CNTN5: variants seen among roughly 807,000 people sequenced by gnomAD.
CNTN5 encodes contactin-5.
Under a neutral mutation model 129.1 loss-of-function variants are expected in CNTN5, and 77 were observed. That is an observed-to-expected ratio of 0.60 (90% CI 0.50 to 0.72). CNTN5 has a LOEUF of 0.72. Ranked by LOEUF, CNTN5 falls within the 30% of genes least tolerant of loss-of-function variation. The pLI is 0.00. For missense variants in CNTN5, 1,478 were observed against 1,328.8 expected (o/e 1.11, Z -1.75); for synonymous variants, 509 against 465.6 (o/e 1.09, Z -1.20).
chr11:100,047,801 A>T (rs548536497), intron 9 of CNTN5, among the ~76,000 whole-genome samples: 4 of 151,816 alleles, frequency 2.6e-5, no homozygotes, highest in African/African-American at 7.3e-5. Flanking sequence ...GTGAGAGGAC[A>T]TTATCTAATC....
intron 2 of CNTN5, among the ~76,000 whole-genome samples, chr11:99,547,590 A>T (rs1293681527): frequency 1.3e-5 from 2 of 152,232 alleles, no homozygotes; most frequent in Admixed American, 6.5e-5. Flanking sequence ...TTTATTTTCC[A>T]GCAGTTACCC....
intron 2 of CNTN5, among the ~76,000 whole-genome samples, chr11:99,526,996 A>G (rs1463872044): frequency 6.6e-6 from 1 of 152,194 alleles, no homozygotes; most frequent in Non-Finnish European, 1.5e-5. Flanking sequence ...TGGATGAAAA[A>G]CACAAAGTAC....
chr11:99,376,490 A>C (rs1940187132), intron 2 of CNTN5, among the ~76,000 whole-genome samples: 2 of 152,180 alleles, frequency 1.3e-5, no homozygotes. Flanking sequence ...ATAAAATTAT[A>C]CAGGCCAATT....
Position 99,956,986 on chromosome 11 carries a change from C to T in CNTN5, c.854C>T (p.Thr285Met), listed in dbSNP as rs777370237. The T allele has an allele frequency of 2.5e-6, 4 of 1,613,686 alleles. No homozygotes were observed. The highest frequency in any genetic ancestry group is 1.7e-5 in the Admixed American group (1 of 59,988). ...VTNARVLSPP[T>M]PLTLRNDGVM... is the part of the protein sequence containing the mutation. Reference sequence around the variant, plus strand: ...AATGCTAGAGTCCTTAGTCCTCCAACGCCACTCACTCTGCGTAATGATGGT... The same window carrying T: ...AATGCTAGAGTCCTTAGTCCTCCAATGCCACTCACTCTGCGTAATGATGGT... Residue 285 changes from threonine to methionine, a missense_variant, in exon 8 of 25, where the codon ACG becomes ATG. Coordinates refer to ENST00000524871, the MANE Select transcript of CNTN5 (RefSeq NM_014361.4).
chr11:99,846,046 A>G (rs1455516465), intron 6 of CNTN5, among the ~76,000 whole-genome samples: 1 of 151,922 alleles, frequency 6.6e-6, no homozygotes. Context: ...TGAAATGCTA[A>G]TATTTTAGAT....
chr11:99,033,785 G>A lies in CNTN5; in HGVS notation c.-210+12515G>A, dbSNP rs539024862. Among the ~76,000 whole-genome samples, 1,111 of 152,124 alleles carry A rather than the reference G, an allele frequency of 7.3e-3. 5 individuals carry two copies. The highest frequency in any genetic ancestry group is 0.011 in the Non-Finnish European group (752 of 68,008). Reference sequence around the variant, plus strand: ...TTCCTTCACCTGCCTAATTGCCCTGGCCAGAACTTCCAACACTATGGTGAA... The same window carrying A: ...TTCCTTCACCTGCCTAATTGCCCTGACCAGAACTTCCAACACTATGGTGAA... On this transcript the variant is annotated intron_variant, in intron 1 of 24. Coordinates refer to ENST00000524871, the MANE Select transcript of CNTN5 (RefSeq NM_014361.4).
chr11:99,947,713 G>A (rs975854456), intron 7 of CNTN5, among the ~76,000 whole-genome samples: 28 of 152,194 alleles, frequency 1.8e-4, no homozygotes, highest in African/African-American at 6.3e-4. Context: ...CACAACTCTA[G>A]AGGGTTTTGT....
At chr11:99,069,473 T>C (rs913779873) in intron 1 of CNTN5, among the ~76,000 whole-genome samples, 1 of 152,128 alleles carries the variant, frequency 6.6e-6, no homozygotes, top group African/African-American at 2.4e-5. Context: ...CTTGACATCA[T>C]GTATTTGTTT....
intron 13 of CNTN5, among the ~76,000 whole-genome samples, chr11:100,131,856 T>C (rs1353165125): frequency 6.6e-6 from 1 of 151,794 alleles, no homozygotes; most frequent in African/African-American, 2.4e-5. Flanking sequence ...TTTCAACAAG[T>C]CCATGATAAG....
chr11:99,799,544 A>T (rs1411387785), intron 3 of CNTN5, among the ~76,000 whole-genome samples: 2 of 151,848 alleles, frequency 1.3e-5, no homozygotes, highest in African/African-American at 4.8e-5. Flanking sequence ...TGTGGTGAAC[A>T]TTTACTGATT....
chr11:99,163,023 AC>A (rs1335066721), intron 1 of CNTN5, among the ~76,000 whole-genome samples: 4 of 152,176 alleles, frequency 2.6e-5, no homozygotes, highest in Non-Finnish European at 4.4e-5. Context: ...TCTTTTCACA[AC>A]CGAAGTTGCC....
Position 100,091,358 on chromosome 11 carries a change from A to T in CNTN5, c.1580+17064A>T, listed in dbSNP as rs1463851182. ...CCTTGTTACTTCTCTCACACATCTC[A>T]TCTGGTGTTCTTCAAATCACTCATC... On this transcript the variant is annotated intron_variant, in intron 13 of 24. Transcript: ENST00000524871. Among the ~76,000 whole-genome samples, 3 of 145,068 alleles carry T rather than the reference A, an allele frequency of 2.1e-5. No homozygotes were observed. In the South Asian group the frequency reaches 6.5e-4, roughly 31 times the overall value.
At chr11:99,285,710 C>A (rs1863907908) in intron 1 of CNTN5, among the ~76,000 whole-genome samples, 1 of 151,924 alleles carries the variant, frequency 6.6e-6, no homozygotes, top group African/African-American at 2.4e-5. Context: ...TGTCGATACA[C>A]AGAGGAGTTC....
intron 13 of CNTN5, among the ~76,000 whole-genome samples, chr11:100,115,400 AACAC>A (rs1222395040): frequency 6.6e-6 from 1 of 152,124 alleles, no homozygotes; most frequent in Non-Finnish European, 1.5e-5. Flanking sequence ...GGCATCTACA[AACAC>A]ACACACCAAA....
rs139445123 is a variant in CNTN5 at position 99,931,092 on chromosome 11, A to G, written c.673+14943A>G. 4.6e-4 allele frequency among the ~76,000 whole-genome samples: 70 copies of G among 152,110 alleles called. 1 individual carries two copies. The highest frequency in any genetic ancestry group is 1.3e-3 in the Admixed American group (20 of 15,272). ...TAACAAGTGCTTTAACTAGTTACTT[A>G]ATAATATCTGAATGTAGTGCTTATC... On this transcript the variant is annotated intron_variant, in intron 7 of 24. Transcript: ENST00000524871.
In CNTN5 at chr11:99,435,240, C is replaced by G. The variant is rs141595890; in HGVS notation, c.-71+109756C>G. Among the ~76,000 whole-genome samples the G allele has an allele frequency of 4.6e-3, 701 of 152,210 alleles. 4 individuals carry two copies. Among genetic ancestry groups the G allele is most frequent in the Non-Finnish European group, 7.5e-3 (508 of 67,992 alleles). ...GTCATCTTTTTGTAGATGAGAAGTA[C>G]ATTTTTCAAGACATCATACTTATGC... On this transcript the variant is annotated intron_variant, in intron 2 of 24. Transcript: ENST00000524871.
At chr11:99,882,101 G>A (rs564353919) in intron 6 of CNTN5, among the ~76,000 whole-genome samples, 3 of 152,298 alleles carry the variant, frequency 2.0e-5, no homozygotes. Context: ...AAAGATGACT[G>A]AGGGACTGTG....
intron 1 of CNTN5, among the ~76,000 whole-genome samples, chr11:99,239,867 G>A (rs1253978943): frequency 1.3e-5 from 2 of 151,644 alleles, no homozygotes; most frequent in Non-Finnish European, 2.9e-5. Flanking sequence ...AACCCGGGAG[G>A]CGGAGCTTGC....
rs769692454 is a variant in CNTN5, at chr11:99,961,206, GAAAAA to G, written c.877+4212_877+4216del. 1.6e-3 allele frequency among the ~76,000 whole-genome samples: 149 copies of G among 95,704 alleles called. 2 individuals are homozygous for G. The highest frequency in any genetic ancestry group is 5.5e-3 in the African/African-American group (137 of 24,834). 62.8% of individuals were successfully genotyped at this position (95,704 alleles called of 152,430 possible). A position where few individuals can be genotyped will look rare whatever the true frequency, so the allele number is the denominator to read the frequency against. On this transcript the variant is annotated intron_variant, in intron 8 of 24. Transcript: ENST00000524871. ...GGCCATAGAGTGAGACTCCGTCTCA[GAAAAA>G]AAAAAAAAAAAAAACAGTAGAATAT...
Sources: gnomAD v4.1 joint callset for allele counts (sites outside exome capture counted in the v4.1 genomes callset) on GRCh38, gnomAD v4.1.1 for gene constraint, MANE v1.5 for transcripts, NCBI Gene and HGNC (gene_info 2026-07-23, HGNC 2026-07-21) for gene names.